The following ESRRG variants were observed in gnomAD, a reference collection of about 807,000 sequenced individuals.
The protein encoded by ESRRG is estrogen related receptor gamma.
ESRRG carries 13 observed loss-of-function variants against 44.0 expected under a neutral mutation model. The ratio of observed to expected loss-of-function variants is 0.30; its 90% confidence interval spans 0.19 to 0.47. The LOEUF (loss-of-function observed/expected upper bound fraction) is 0.47. Ranked by LOEUF, ESRRG falls within the 20% of genes least tolerant of loss-of-function variation. ESRRG has a pLI of 1.00. For missense variants in ESRRG, 395 were observed against 580.6 expected (o/e 0.68, Z 3.29); for synonymous variants, 215 against 214.6 (o/e 1.00, Z -0.02).
At chr1:216,781,994 AGAG>A in intron 2 of ESRRG, among the ~76,000 whole-genome samples, 1 of 152,178 alleles carries the variant, frequency 6.6e-6, no homozygotes, top group Middle Eastern at 3.4e-3. Flanking sequence ...CAGCTGACAA[AGAG>A]GAGATTTTTA....
At chr1:217,133,645 C>CTCTCTCTCTCTCTCTCTT (rs1266397788) in intron 1 of ESRRG, among the ~76,000 whole-genome samples, 11 of 91,808 alleles carry the variant, frequency 1.2e-4, no homozygotes, top group Non-Finnish European at 2.0e-4. Context: ...CTCTCTCTCT[C>CTCTCTCTCTCTCTCTCTT]TCTTTCTTTC....
At chr1:216,703,675 G>GTATGTT (rs2081899944) in intron 1 of ESRRG, among the ~76,000 whole-genome samples, 1 of 150,616 alleles carries the variant, frequency 6.6e-6, no homozygotes, top group Non-Finnish European at 1.5e-5. Flanking sequence ...GTGTGTGTGT[G>GTATGTT]TGTGTGTGTA....
chr1:217,128,219 A>T (rs2102525283), intron 1 of ESRRG, among the ~76,000 whole-genome samples: 2 of 152,362 alleles, frequency 1.3e-5, no homozygotes, highest in South Asian at 4.1e-4. Flanking sequence ...TGAAGATCTC[A>T]TCCAAACCAC....
intron 1 of ESRRG, among the ~76,000 whole-genome samples, chr1:217,107,964 A>G (rs2092617835): frequency 6.6e-6 from 1 of 152,136 alleles, no homozygotes; most frequent in Non-Finnish European, 1.5e-5. Flanking sequence ...GATGAACTCT[A>G]TTTAAAGCAT....
At chr1:216,735,558 C>T (rs2089716376) in intron 2 of ESRRG, among the ~76,000 whole-genome samples, 1 of 152,112 alleles carries the variant, frequency 6.6e-6, no homozygotes, top group Non-Finnish European at 1.5e-5. Context: ...CCCTGCCCTG[C>T]CTCCACCTCT....
intron 3 of ESRRG, among the ~76,000 whole-genome samples, chr1:216,605,034 T>C (rs2059743971): frequency 6.6e-6 from 1 of 152,202 alleles, no homozygotes; most frequent in Non-Finnish European, 1.5e-5. Context: ...GGTATGAATA[T>C]GTGTGTACAA....
intron 3 of ESRRG, among the ~76,000 whole-genome samples, chr1:216,649,167 T>G (rs2068336329): frequency 6.6e-6 from 1 of 152,156 alleles, no homozygotes; most frequent in Admixed American, 6.6e-5. Context: ...CAATTTCACA[T>G]AAGTTTTCTT....
intron 3 of ESRRG, among the ~76,000 whole-genome samples, chr1:216,585,532 G>A (rs1307820359): frequency 1.3e-5 from 2 of 151,244 alleles, no homozygotes; most frequent in East Asian, 3.9e-4. Context: ...AATGGGGGAA[G>A]AAATCTGATC....
At chr1:217,087,948 C>T (rs1199709524) in intron 1 of ESRRG, among the ~76,000 whole-genome samples, 1 of 151,936 alleles carries the variant, frequency 6.6e-6, no homozygotes, top group African/African-American at 2.4e-5. Flanking sequence ...TTCCTCAGCT[C>T]GGGATTTGAG....
At chr1:216,570,111 G>C (rs1486682351) in intron 3 of ESRRG, among the ~76,000 whole-genome samples, 3 of 152,136 alleles carry the variant, frequency 2.0e-5, no homozygotes, top group Non-Finnish European at 4.4e-5. Context: ...ACTACTTTAA[G>C]CGTTGATTAT....
At chr1:216,901,060 C>G (rs573635794) in intron 2 of ESRRG, among the ~76,000 whole-genome samples, 1 of 152,214 alleles carries the variant, frequency 6.6e-6, no homozygotes, top group African/African-American at 2.4e-5. Context: ...GGGGTTGCTT[C>G]TTAACCCTGT....
chr1:216,974,278 C>T (rs1018616446), intron 1 of ESRRG, among the ~76,000 whole-genome samples: 4 of 152,098 alleles, frequency 2.6e-5, no homozygotes, highest in Non-Finnish European at 4.4e-5. Context: ...GACAGACATC[C>T]CAATTACCCT....
intron 2 of ESRRG, among the ~76,000 whole-genome samples, chr1:216,891,067 T>C (rs1177343789): frequency 2.0e-5 from 3 of 152,276 alleles, no homozygotes; most frequent in South Asian, 4.1e-4. Context: ...TGGACGCCCA[T>C]ATGGAAAAAA....
chr1:216,706,628 C>T (rs1244079440), intron 1 of ESRRG, among the ~76,000 whole-genome samples: 10 of 152,140 alleles, frequency 6.6e-5, no homozygotes, highest in Non-Finnish European at 8.8e-5. Flanking sequence ...GACAAGCACT[C>T]AGTAACATGT....
intron 1 of ESRRG, among the ~76,000 whole-genome samples, chr1:217,003,071 T>C (rs1324937117): frequency 2.0e-5 from 3 of 152,208 alleles, no homozygotes; most frequent in African/African-American, 7.2e-5. Context: ...ACATTTACTT[T>C]TGTGAGATAT....
chr1:217,041,656 C>A (rs1274309529), intron 1 of ESRRG, among the ~76,000 whole-genome samples: 1 of 152,038 alleles, frequency 6.6e-6, no homozygotes. Context: ...TTGTTTCCTC[C>A]CTGGAACATT....
chr1:216,567,988 A>T lies in ESRRG; in HGVS notation c.700T>A (p.Tyr234Asn), dbSNP rs144069220. ...AGCCAGACACATCTGCTGTACTTAC[A>T]TGGCTTTTTGGCTGGCTGAACCAGC... ...PQLVQPAKKPYNKIVSHLLVA... is the reference protein window; with the variant it reads ...PQLVQPAKKPNNKIVSHLLVA... Residue 234 changes from tyrosine (Y) to asparagine (N), a missense_variant and splice_region_variant, in exon 4 of 7, where the codon TAT becomes AAT. Physicochemically the swap from Tyr to Asn is moderately radical, Grantham distance 143. This residue lies in a region of ESRRG where 37 missense variants were observed against 32.9 expected (regional missense o/e 1.13). Transcript: ENST00000408911. 15 of 1,604,414 alleles carry T rather than the reference A, an allele frequency of 9.3e-6. No individual in the cohort carries two copies. In the African/African-American group the frequency reaches 2.0e-4, roughly 21 times the overall value.
chr1:216,993,543 G>A (rs1046347941), intron 1 of ESRRG, among the ~76,000 whole-genome samples: 18 of 152,198 alleles, frequency 1.2e-4, no homozygotes, highest in African/African-American at 3.6e-4. Context: ...CATCCCTGCA[G>A]TGTGAAAAAA....
In ESRRG at chr1:216,694,923, C is replaced by G. The variant is rs2151786778; in HGVS notation, c.57-17432G>C. ...TTTTCCATGTATTCACTCATTCATT[C>G]CTATCATGTTTTAAGCCTATAACCT... On this transcript the variant is annotated intron_variant, in intron 1 of 6. Transcript: ENST00000408911. 2.0e-5 allele frequency among the ~76,000 whole-genome samples: 3 copies of G among 152,210 alleles called. No individual in the cohort carries two copies. The South Asian group carries it at 6.2e-4, about 32-fold the overall frequency.
Sources: allele counts gnomAD v4.1 joint callset (sites outside exome capture counted in the v4.1 genomes callset), GRCh38; gene constraint gnomAD v4.1.1; regional missense constraint gnomAD v4.1.1; transcripts MANE v1.5; gene names NCBI Gene and HGNC (gene_info 2026-07-23, HGNC 2026-07-21).